Variants in RDX observed in about 807,000 individuals in gnomAD.
RDX encodes radixin.
Under a neutral mutation model 83.7 loss-of-function variants are expected in RDX, and 32 were observed. The observed-to-expected ratio is 0.38, with a 90% CI of 0.29 to 0.51. The LOEUF is 0.51. RDX is among the 20% of genes least tolerant of loss of function. The probability of loss-of-function intolerance (pLI) is 0.87; values close to 1 mark genes in which losing one functional copy is unlikely to be tolerated. For missense variants in RDX, 600 were observed against 689.9 expected (o/e 0.87, Z 1.46); for synonymous variants, 229 against 222.7 (o/e 1.03, Z -0.25).
chr11:110,244,319 G>A (rs939091259), intron 10 of RDX, among the ~76,000 whole-genome samples: 1 of 119,332 alleles, frequency 8.4e-6, no homozygotes, highest in Admixed American at 1.1e-4. Flanking sequence ...CCAAGATCAC[G>A]CCATTTGCAC....
Position 110,199,579 on chromosome 11 carries a change from A to G in RDX, c.*31+2T>C, listed in dbSNP as rs1259220389. The stretch of plus-strand genomic sequence containing the variant: ...CTGGCCACGGCTGCCAGTTGTACTT[A>G]CCTAGTGAGGGAGGGAGCCTTCTTC... On this transcript the variant is annotated splice_donor_variant, in intron 15 of 15. Coordinates refer to the RDX transcript ENST00000528498. LOFTEE classifies it low-confidence loss of function (3UTR_SPLICE). 1 of 702,802 alleles carries G rather than the reference A, an allele frequency of 1.4e-6. No individual in the cohort carries two copies. The highest frequency in any genetic ancestry group is 2.6e-6 in the Non-Finnish European group (1 of 384,966). The allele number at this position is 702,802 out of a possible 1,614,324, so 43.5% of individuals were successfully genotyped here. A position where few individuals can be genotyped will look rare whatever the true frequency, so the allele number is the denominator to read the frequency against.
At chr11:110,223,984 C>G (rs1864346332) in intron 14 of RDX, among the ~76,000 whole-genome samples, 1 of 151,896 alleles carries the variant, frequency 6.6e-6, no homozygotes, top group Non-Finnish European at 1.5e-5. Context: ...GAGATAGCGC[C>G]ATTGCACTCC....
intron 1 of RDX, among the ~76,000 whole-genome samples, chr11:110,294,082 G>A (rs895873559): frequency 6.6e-6 from 1 of 152,174 alleles, no homozygotes; most frequent in Admixed American, 6.5e-5. Flanking sequence ...GCCTGCCAAA[G>A]ATAAAAAATG....
At chr11:110,268,770 TG>T (rs961033877) in intron 3 of RDX, among the ~76,000 whole-genome samples, 12 of 150,760 alleles carry the variant, frequency 8.0e-5, no homozygotes, top group African/African-American at 2.5e-4. Context: ...GCTCCTAGAA[TG>T]TTTTTTTTTT....
intron 15 of RDX, among the ~76,000 whole-genome samples, chr11:110,198,076 CATAA>C (rs1429745980): frequency 3.3e-5 from 5 of 152,112 alleles, no homozygotes; most frequent in Admixed American, 3.3e-4. Flanking sequence ...TTTTTTGTCA[CATAA>C]ATAAGTCTAA....
At chr11:110,283,230 T>A (rs1860837681) in intron 1 of RDX, among the ~76,000 whole-genome samples, 2 of 152,186 alleles carry the variant, frequency 1.3e-5, no homozygotes, top group African/African-American at 4.8e-5. Context: ...CTTGGCTCAC[T>A]GCAACCTCCG....
chr11:110,215,812 A>G (rs1245962509), intron 14 of RDX, among the ~76,000 whole-genome samples: 1 of 152,200 alleles, frequency 6.6e-6, no homozygotes, highest in Non-Finnish European at 1.5e-5. Context: ...GGAGTTTGCC[A>G]CTGTGGTTGT....
chr11:110,245,786 T>G (rs2134335454), intron 10 of RDX, among the ~76,000 whole-genome samples: 1 of 152,322 alleles, frequency 6.6e-6, no homozygotes, highest in African/African-American at 2.4e-5. Context: ...TCCAGTACTA[T>G]AATCTCACTA....
intron 1 of RDX, among the ~76,000 whole-genome samples, chr11:110,284,463 A>C (rs1236239835): frequency 6.6e-6 from 1 of 152,124 alleles, no homozygotes; most frequent in Non-Finnish European, 1.5e-5. Context: ...GATAAGGTTA[A>C]GTGGAAAGGC....
intron 15 of RDX, among the ~76,000 whole-genome samples, chr11:110,178,265 A>G (rs1047740181): frequency 6.6e-6 from 1 of 152,220 alleles, no homozygotes; most frequent in Admixed American, 6.5e-5. Flanking sequence ...TCTAGTGCAG[A>G]ACTCAACTGC....
intron 15 of RDX, among the ~76,000 whole-genome samples, chr11:110,184,720 G>C (rs1009110910): frequency 2.0e-5 from 3 of 152,214 alleles, no homozygotes; most frequent in Non-Finnish European, 4.4e-5. Context: ...ACTCACAGAG[G>C]CTGGAGTGAA....
chr11:110,228,705 T>A (rs570818366), downstream of RDX, among the ~76,000 whole-genome samples: 123 of 151,094 alleles, frequency 8.1e-4, no homozygotes, highest in Non-Finnish European at 1.2e-3. Flanking sequence ...AGTGGGATTT[T>A]AAAAAAAAAC....
intron 11 of RDX, among the ~76,000 whole-genome samples, chr11:110,236,995 G>A (rs913453118): frequency 2.6e-5 from 4 of 151,416 alleles, no homozygotes; most frequent in African/African-American, 9.8e-5. Context: ...GTACATGTGT[G>A]AACTAATATT....
chr11:110,260,057 G>C (rs1859739272), intron 5 of RDX, among the ~76,000 whole-genome samples: 1 of 151,590 alleles, frequency 6.6e-6, no homozygotes, highest in Non-Finnish European at 1.5e-5. Flanking sequence ...CATGATCTCG[G>C]CTCACTGCAA....
At chr11:110,273,585 C>T (rs1474988712) in intron 2 of RDX, among the ~76,000 whole-genome samples, 2 of 152,214 alleles carry the variant, frequency 1.3e-5, no homozygotes, top group Admixed American at 1.3e-4. Context: ...TAGCTCCAAA[C>T]TCTATTTTAA....
At chr11:110,194,519 C>T (rs1310232180) in intron 15 of RDX, among the ~76,000 whole-genome samples, 2 of 152,130 alleles carry the variant, frequency 1.3e-5, no homozygotes, top group African/African-American at 4.8e-5. Context: ...TGCACCCAGC[C>T]GGATATTACA....
chr11:110,256,858 CTT>C (rs374877442), intron 7 of RDX, among the ~76,000 whole-genome samples: 12 of 152,220 alleles, frequency 7.9e-5, no homozygotes, highest in African/African-American at 2.4e-4. Flanking sequence ...GTAAAATGCT[CTT>C]GTTTGGAATC....
intron 14 of RDX, among the ~76,000 whole-genome samples, chr11:110,210,269 G>A (rs914170626): frequency 1.5e-5 from 2 of 135,530 alleles, no homozygotes; most frequent in African/African-American, 2.9e-5. Flanking sequence ...GAAATGAAGC[G>A]AGAAGGGAAG....
chr11:110,234,272 G>T (rs957019232), intron 12 of RDX, among the ~76,000 whole-genome samples: 10 of 152,156 alleles, frequency 6.6e-5, no homozygotes, highest in African/African-American at 2.2e-4. Context: ...AATATAGGAG[G>T]TGAGACATTC....
Sources: gnomAD v4.1 joint callset for allele counts (sites outside exome capture counted in the v4.1 genomes callset) on GRCh38, gnomAD v4.1.1 for gene constraint, MANE v1.5 for transcripts, NCBI Gene and HGNC (gene_info 2026-07-23, HGNC 2026-07-21) for gene names.